The following KIDINS220 variants were observed in gnomAD, a reference collection of about 807,000 sequenced individuals.
The protein encoded by KIDINS220 is kinase D interacting substrate 220.
In KIDINS220, 63 loss-of-function variants were observed where a neutral mutation model predicts 157.6. The observed-to-expected ratio is 0.40, with a 90% CI of 0.33 to 0.49. The LOEUF (loss-of-function observed/expected upper bound fraction) is 0.49. Ranked by LOEUF, KIDINS220 falls within the 20% of genes least tolerant of loss-of-function variation. KIDINS220 has a pLI of 0.66. For synonymous variants in KIDINS220, 732 were observed against 783.6 expected, an observed-to-expected ratio of 0.93 and a Z score of 1.10; for missense variants, 1,772 against 2,171.2, an observed-to-expected ratio of 0.82 and a Z score of 3.65.
intron 4 of KIDINS220, among the ~76,000 whole-genome samples, chr2:8,815,520 T>C (rs187966160): frequency 1.1e-4 from 17 of 151,986 alleles, no homozygotes; most frequent in African/African-American, 4.1e-4. Flanking sequence ...ATACAAAAAG[T>C]TAGCCAGGTG....
Position 8,791,689 on chromosome 2 carries a change from C to T in KIDINS220, c.1277-465G>A, listed in dbSNP as rs185978024. The stretch of plus-strand genomic sequence containing the variant: ...ATAAGCATATAAAATAAATTTAGTA[C>T]GTGTAATACCTATACAAAGAAAGTT... On this transcript the variant is annotated intron_variant, in intron 12 of 29. Transcript: ENST00000256707. Among the ~76,000 whole-genome samples, 270 of 152,040 alleles carry T rather than the reference C, an allele frequency of 1.8e-3. 2 individuals carry two copies. The highest frequency in any genetic ancestry group is 5.8e-3 in the African/African-American group (241 of 41,462).
intron 6 of KIDINS220, among the ~76,000 whole-genome samples, chr2:8,812,180 G>A (rs1347266048): frequency 6.6e-6 from 1 of 152,164 alleles, no homozygotes; most frequent in African/African-American, 2.4e-5. Context: ...TCTTGGGAAT[G>A]ATGAATGTGA....
intron 11 of KIDINS220, 34 bp downstream of exon 11, chr2:8,796,737 T>C (rs1572696663): frequency 6.6e-7 from 1 of 1,525,854 alleles, no homozygotes; most frequent in Admixed American, 1.7e-5. Context: ...CCAACAGCTT[T>C]CCATACAGTG....
intron 22 of KIDINS220, 26 bp downstream of exon 22, chr2:8,770,644 A>C: frequency 6.9e-7 from 1 of 1,444,768 alleles, no homozygotes; most frequent in Non-Finnish European, 9.4e-7. Context: ...AAATAAAGTA[A>C]AATACAAAGA....
chr2:8,738,882 G>A (rs1665240511), intron 26 of KIDINS220, among the ~76,000 whole-genome samples: 1 of 152,110 alleles, frequency 6.6e-6, no homozygotes, highest in African/African-American at 2.4e-5. Context: ...TATGAAAGAT[G>A]TTTACATTGA....
At chr2:8,736,441 G>C (rs934506) in intron 27 of KIDINS220, among the ~76,000 whole-genome samples, 10,224 of 152,224 alleles carry the variant, frequency 0.067, 1,092 homozygotes, top group African/African-American at 0.23. Context: ...ATGAGAATTT[G>C]GAGAAAATGA....
At chr2:8,816,453 G>A (rs1337565845) in intron 4 of KIDINS220, among the ~76,000 whole-genome samples, 1 of 152,164 alleles carries the variant, frequency 6.6e-6, no homozygotes, top group East Asian at 1.9e-4. Context: ...TGAGAAGTCA[G>A]TTAAATGACA....
chr2:8,824,418 C>T (rs1178567248), intron 2 of KIDINS220, among the ~76,000 whole-genome samples: 1 of 152,198 alleles, frequency 6.6e-6, no homozygotes, highest in African/African-American at 2.4e-5. Flanking sequence ...TGATGCCTCA[C>T]GCCTGTAATC....
At chr2:8,780,404 C>A (rs1671529543) in intron 17 of KIDINS220, among the ~76,000 whole-genome samples, 1 of 151,982 alleles carries the variant, frequency 6.6e-6, no homozygotes, top group South Asian at 2.1e-4. Flanking sequence ...CTGGAAAAAT[C>A]TGGAATAGAA....
intron 21 of KIDINS220, among the ~76,000 whole-genome samples, chr2:8,774,341 T>C (rs893889442): frequency 1.3e-5 from 2 of 151,014 alleles, no homozygotes; most frequent in Non-Finnish European, 2.9e-5. Context: ...TAGAAAACCT[T>C]TGCCAGGTGG....
chr2:8,779,176 T>C lies in KIDINS220; in HGVS notation c.2371-37A>G, dbSNP rs1671365309. The C allele has an allele frequency of 1.9e-6, 3 of 1,600,976 alleles. No homozygotes were observed. In the African/African-American group the frequency reaches 4.0e-5, roughly 21 times the overall value. On this transcript the variant is annotated intron_variant, in intron 18 of 29. Coordinates refer to ENST00000256707, the MANE Select transcript of KIDINS220 (RefSeq NM_020738.4). ...GAAATGTACAGTTGTGACATACATT[T>C]TAAATTGTCCAAAAGAATAAGGCAT...
At chr2:8,823,809 A>G (rs1390386143) in intron 2 of KIDINS220, among the ~76,000 whole-genome samples, 6 of 152,336 alleles carry the variant, frequency 3.9e-5, no homozygotes, top group African/African-American at 1.4e-4. Context: ...TCTTTTTGTA[A>G]CAACCTCCAA....
At chr2:8,817,836 T>C (rs995661398) in intron 3 of KIDINS220, 120 bp from the exon 4 acceptor site, 4 of 605,590 alleles carry the variant, frequency 6.6e-6, no homozygotes, top group African/African-American at 1.9e-5. Flanking sequence ...GTGTGACCCA[T>C]GCTAACTAAA....
At chr2:8,753,921 A>G (rs1257492182) in intron 22 of KIDINS220, among the ~76,000 whole-genome samples, 1 of 152,230 alleles carries the variant, frequency 6.6e-6, no homozygotes, top group African/African-American at 2.4e-5. Context: ...ACACAGACAC[A>G]TGCACAAGAC....
intron 27 of KIDINS220, 110 bp from the exon 28 acceptor site, chr2:8,734,863 A>G: frequency 1.4e-6 from 1 of 724,712 alleles, no homozygotes; most frequent in Non-Finnish European, 2.2e-6. Context: ...GTCTCTAGAG[A>G]CCAGAAAGGC....
chr2:8,734,222 G>A (rs1487019123), intron 28 of KIDINS220, among the ~76,000 whole-genome samples: 1 of 152,116 alleles, frequency 6.6e-6, no homozygotes, highest in Non-Finnish European at 1.5e-5. Flanking sequence ...CTGGGGGTGG[G>A]GGGGTTAGTG....
chr2:8,820,347 T>C (rs1262496659), intron 2 of KIDINS220, among the ~76,000 whole-genome samples: 2 of 152,238 alleles, frequency 1.3e-5, no homozygotes, highest in African/African-American at 4.8e-5. Context: ...TTTAAAACTA[T>C]ATACCCAGTG....
At chr2:8,821,928 T>A (rs1276811218) in intron 2 of KIDINS220, among the ~76,000 whole-genome samples, 1 of 152,188 alleles carries the variant, frequency 6.6e-6, no homozygotes, top group Non-Finnish European at 1.5e-5. Flanking sequence ...TGAAAATGTA[T>A]CAGTAAAGAT....
intron 12 of KIDINS220, among the ~76,000 whole-genome samples, chr2:8,793,511 C>G (rs7587623): frequency 0.42 from 63,171 of 151,976 alleles, 15,201 homozygotes; most frequent in East Asian, 0.59. Context: ...GTGATCTTGG[C>G]TCACTGCAAT....
Sources: allele counts gnomAD v4.1 joint callset (sites outside exome capture counted in the v4.1 genomes callset), GRCh38; gene constraint gnomAD v4.1.1; transcripts MANE v1.5; gene names NCBI Gene and HGNC (gene_info 2026-07-23, HGNC 2026-07-21).